Variants in ENC1 observed in about 807,000 individuals in gnomAD.
ENC1 encodes the protein ectoderm-neural cortex protein 1.
Under a neutral mutation model 40.9 loss-of-function variants are expected in ENC1, and 19 were observed. That is an observed-to-expected ratio of 0.46 (90% confidence interval 0.32 to 0.68). ENC1 has a LOEUF of 0.68. ENC1 is among the 30% of genes least tolerant of loss of function. The pLI is 0.03. For synonymous variants in ENC1, 285 were observed against 291.1 expected (o/e 0.98, Z 0.21); for missense variants, 479 against 737.5 (o/e 0.65, Z 4.06).
chr5:74,630,409 G>T (rs1208471669), intron 2 of ENC1, among the ~76,000 whole-genome samples: 1 of 152,018 alleles, frequency 6.6e-6, no homozygotes, highest in Non-Finnish European at 1.5e-5. Context: ...ATCACTAAGG[G>T]GTGAAAAGAA....
intron 2 of ENC1, among the ~76,000 whole-genome samples, chr5:74,631,158 C>T (rs528201179): frequency 2.7e-4 from 38 of 143,146 alleles, no homozygotes; most frequent in Non-Finnish European, 4.4e-4. Flanking sequence ...CAAACAGGAA[C>T]GATAATAAAA....
At position 74,628,243 on chromosome 5, in the gene ENC1, A is replaced by T. The variant is rs1747267942; in HGVS notation, c.*1782T>A. On this transcript the variant is annotated 3_prime_UTR_variant, in exon 3 of 3. Coordinates refer to ENST00000302351, the MANE Select transcript of ENC1 (RefSeq NM_003633.4). Reference sequence around the variant, plus strand: ...TCATTCATGGCATGGACGGACAAACACAATTAGTCTAAAGTACTAAGGTGG... The same window carrying T: ...TCATTCATGGCATGGACGGACAAACTCAATTAGTCTAAAGTACTAAGGTGG... 1 of 152,652 alleles carries T rather than the reference A, an allele frequency of 6.6e-6. No individual in the cohort carries two copies. The highest frequency in any genetic ancestry group is 6.5e-5 in the Admixed American group (1 of 15,286). 9.5% of individuals were successfully genotyped at this position (152,652 alleles called of 1,614,324 possible).
chr5:74,635,374 G>A lies in ENC1; in HGVS notation c.1112C>T (p.Ala371Val). 1 of 1,614,238 alleles carries A rather than the reference G, an allele frequency of 6.2e-7. No homozygotes were observed. The highest frequency in any genetic ancestry group is 1.1e-5 in the South Asian group (1 of 91,088). The change falls in exon 2 of 3, where the codon GCT (alanine) becomes GTT (valine). Residue 371 changes from alanine (A) to valine (V), a missense_variant. By Grantham distance (64) the Ala-to-Val change is moderately conservative. Transcript: ENST00000302351. This position sits in a 1 kb window ranked among gnomAD's most constrained non-coding sequence, Gnocchi z 5.5. ...YDTLHEEWSK[A>V]APMLVARFGH... is the part of the protein sequence containing the mutation. ...AAACCTGGCCACCAGCATGGGGGCA[G>A]CCTTGGACCACTCCTCGTGCAGGGT...
chr5:74,636,294 C>T lies in ENC1; in HGVS notation c.192G>A (p.Leu64=). ...CCTCAAAGTAGCGACTGCATGCAGC[C>T]AGCACTGCCCGGTGGCAAGGGAAGG... ...NRTFPCHRAV[L]AACSRYFEAM... The change falls in exon 2 of 3, where the codon CTG becomes CTA. Residue 64 remains leucine, a synonymous_variant. Coordinates refer to ENST00000302351, the MANE Select transcript of ENC1 (RefSeq NM_003633.4). The surrounding 1 kb of genome is among the most constrained non-coding windows in gnomAD (Gnocchi z 4.8). 1.2e-6 allele frequency: 2 copies of T among 1,614,184 alleles called. No individual in the cohort carries two copies. The highest frequency in any genetic ancestry group is 1.7e-6 in the Non-Finnish European group (2 of 1,180,038).
In ENC1 at chr5:74,629,825, A is replaced by C. The variant is rs1747330220; in HGVS notation, c.*200T>G. On this transcript the variant is annotated 3_prime_UTR_variant, in exon 3 of 3. Transcript: ENST00000302351. ...TAAACCATGTGCTACTTGCACCAAAAATCCCACCCCCCTCCCTCGCCCCTT... is the reference window on the plus strand; with the variant it reads ...TAAACCATGTGCTACTTGCACCAAACATCCCACCCCCCTCCCTCGCCCCTT... 2 of 141,142 alleles carry C rather than the reference A, an allele frequency of 1.4e-5. No homozygotes were observed. The highest frequency in any genetic ancestry group is 2.6e-5 in the African/African-American group (1 of 39,198). 8.7% of individuals were successfully genotyped at this position (141,142 alleles called of 1,614,324 possible).
At chr5:74,638,056 G>A (rs765554560) in intron 1 of ENC1, among the ~76,000 whole-genome samples, 5 of 152,078 alleles carry the variant, frequency 3.3e-5, no homozygotes, top group Non-Finnish European at 7.4e-5. Context: ...CCTGTCCAAG[G>A]ATTCCTAAGG....
chr5:74,634,101 G>A (rs987522695), intron 2 of ENC1, among the ~76,000 whole-genome samples: 12 of 152,114 alleles, frequency 7.9e-5, no homozygotes, highest in Non-Finnish European at 1.6e-4. Flanking sequence ...CTAAGTCTCT[G>A]GGATGGGCAG....
rs1233602259 is a variant in ENC1 at position 74,636,475 on chromosome 5, C to T, written c.11G>A (p.Ser4Asn). The stretch of plus-strand genomic sequence containing the variant: ...CCTGGACTTGCGGTTCTCATGCACA[C>T]TGACTGACATTTTGTTTCCACTCCT... Reference protein sequence around the residue: MSVSVHENRKSRAS... With the variant: MSVNVHENRKSRAS... Residue 4 changes from serine to asparagine, a missense_variant, in exon 2 of 3, where the codon AGT becomes AAT. By Grantham distance (46) the Ser-to-Asn change is conservative. Transcript: ENST00000302351. The surrounding 1 kb of genome is among the most constrained non-coding windows in gnomAD (Gnocchi z 4.8). 1 of 1,596,762 alleles carries T rather than the reference C, an allele frequency of 6.3e-7. No individual in the cohort carries two copies. The highest frequency in any genetic ancestry group is 1.3e-5 in the African/African-American group (1 of 74,358).
rs1268446688 is a variant in ENC1, at chr5:74,629,064, T to C, written c.*961A>G. 6.6e-6 allele frequency: 1 copy of C among 152,144 alleles called. No individual in the cohort carries two copies. Among genetic ancestry groups the C allele is most frequent in the Non-Finnish European group, 1.5e-5 (1 of 68,046 alleles). The allele number at this position is 152,144 out of a possible 1,614,324, so 9.4% of individuals were successfully genotyped here. A position where few individuals can be genotyped will look rare whatever the true frequency, so the allele number is the denominator to read the frequency against. On this transcript the variant is annotated 3_prime_UTR_variant, in exon 3 of 3. Transcript: ENST00000302351. Reference sequence around the variant, plus strand: ...CACAACCAAACCCCATGAAATCCCATTAAAAGTTGGTGAGTCTGAGAAAAG... The same window carrying C: ...CACAACCAAACCCCATGAAATCCCACTAAAAGTTGGTGAGTCTGAGAAAAG...
In ENC1 at chr5:74,634,765, G is replaced by A. The variant is rs758188798; in HGVS notation, c.1721C>T (p.Ser574Leu). The A allele has an allele frequency of 6.2e-6, 10 of 1,613,730 alleles. No homozygotes were observed. Among genetic ancestry groups the A allele is most frequent in the South Asian group, 1.1e-5 (1 of 91,066 alleles). ...VWNSITTVPYSLIPTAFVSTW... is the reference protein window; with the variant it reads ...VWNSITTVPYLLIPTAFVSTW... ...GCTGACAAATGCAGTAGGAATCAGCGAGTACGGGACAGTGGTGATGCTGTT... is the reference window on the plus strand; with the variant it reads ...GCTGACAAATGCAGTAGGAATCAGCAAGTACGGGACAGTGGTGATGCTGTT... The change falls in exon 2 of 3, where the codon TCG becomes TTG. Residue 574 changes from serine (S) to leucine (L), a missense_variant. Ser to Leu is a moderately radical substitution (Grantham distance 145). Coordinates refer to ENST00000302351, the MANE Select transcript of ENC1 (RefSeq NM_003633.4).
Position 74,637,155 on chromosome 5 carries a change from AC to A in ENC1, c.-13-658del, listed in dbSNP as rs200306801. Among the ~76,000 whole-genome samples the A allele has an allele frequency of 1.8e-4, 27 of 152,288 alleles. No homozygotes were observed. The East Asian group carries it at 2.9e-3, about 16-fold the overall frequency. On this transcript the variant is annotated intron_variant, in intron 1 of 2. Transcript: ENST00000302351. ...TTTTGAGACCAAGTCTCGCTCTGTC[AC>A]CCTGGCTTGAGTGCAGTGGTGCAAT... is the stretch of plus-strand genomic sequence containing the variant.
At chr5:74,633,134 C>A (rs1242492711) in intron 2 of ENC1, among the ~76,000 whole-genome samples, 1 of 152,206 alleles carries the variant, frequency 6.6e-6, no homozygotes, top group African/African-American at 2.4e-5. Context: ...TAGTAATAAG[C>A]CCATGAATCA....
chr5:74,635,556 C>T lies in ENC1; in HGVS notation c.930G>A (p.Leu310=). The change falls in exon 2 of 3, where the codon TTG becomes TTA. Residue 310 remains leucine, a synonymous_variant. Coordinates refer to ENST00000302351, the MANE Select transcript of ENC1 (RefSeq NM_003633.4). The surrounding 1 kb of genome is among the most constrained non-coding windows in gnomAD (Gnocchi z 5.5). ...CTTTGGCCTTCTGGTCTACCAGATA[C>T]AACTTGTCACACATGAAAGTCTGTC... ...LGGQTFMCDK[L]YLVDQKAKEI... 1 of 1,614,186 alleles carries T rather than the reference C, an allele frequency of 6.2e-7. No individual in the cohort carries two copies. Among genetic ancestry groups the T allele is most frequent in the Non-Finnish European group, 8.5e-7 (1 of 1,180,026 alleles).
In ENC1 at chr5:74,634,663, A is replaced by G. The variant is rs878870740; in HGVS notation, c.*32+21T>C. On this transcript the variant is annotated intron_variant, in intron 2 of 2. Coordinates refer to ENST00000302351, the MANE Select transcript of ENC1 (RefSeq NM_003633.4). ...ATAGCCTAATTATATGCATACTTAC[A>G]TCTATAGCTAAACTTCTTACCTCAT... 3.5e-5 allele frequency: 42 copies of G among 1,196,430 alleles called. 1 individual carries two copies. The South Asian group carries it at 3.8e-4, about 11-fold the overall frequency. The allele number at this position is 1,196,430 out of a possible 1,614,324, so 74.1% of individuals were successfully genotyped here.
At chr5:74,638,292 A>G (rs549637492) in intron 1 of ENC1, among the ~76,000 whole-genome samples, 1 of 152,360 alleles carries the variant, frequency 6.6e-6, no homozygotes, top group South Asian at 2.1e-4. Flanking sequence ...CCCCAACCAG[A>G]TGTGAGCCCC....
intron 2 of ENC1, among the ~76,000 whole-genome samples, chr5:74,633,746 C>T (rs1304598646): frequency 2.0e-5 from 3 of 152,180 alleles, no homozygotes; most frequent in Non-Finnish European, 4.4e-5. Flanking sequence ...ACACGATGCT[C>T]CAGTGCTGAT....
intron 1 of ENC1, chr5:74,637,599 A>T (rs1185772032): frequency 6.6e-6 from 1 of 152,238 alleles, no homozygotes; most frequent in Admixed American, 6.5e-5. Flanking sequence ...CCCGCTTTAT[A>T]TCAATTCTTG....
intron 2 of ENC1, 68 bp downstream of exon 2, chr5:74,634,616 C>A: frequency 1.3e-6 from 1 of 742,500 alleles, no homozygotes; most frequent in South Asian, 1.7e-5. Context: ...TCAGATCTCA[C>A]CCCATGTACT....
Position 74,635,883 on chromosome 5 carries a change from C to T in ENC1, c.603G>A (p.Glu201=), listed in dbSNP as rs1452713138. Reference sequence around the variant, plus strand: ...CAAGCCTTTCATCCTCTGTCTCCAGCTCTTCACTGGACAAGAGTTGCACTA... The same window carrying T: ...CAAGCCTTTCATCCTCTGTCTCCAGTTCTTCACTGGACAAGAGTTGCACTA... ...DMVVQLLSSE[E]LETEDERLVY... The change falls in exon 2 of 3, where the codon GAG becomes GAA. Residue 201 remains glutamate, a synonymous_variant. Coordinates refer to ENST00000302351, the MANE Select transcript of ENC1 (RefSeq NM_003633.4). This position sits in a 1 kb window ranked among gnomAD's most constrained non-coding sequence, Gnocchi z 5.5. 1 of 1,613,970 alleles carries T rather than the reference C, an allele frequency of 6.2e-7. No individual in the cohort carries two copies. Among genetic ancestry groups the T allele is most frequent in the Non-Finnish European group, 8.5e-7 (1 of 1,179,964 alleles).
Sources: allele counts gnomAD v4.1 joint callset (sites outside exome capture counted in the v4.1 genomes callset), GRCh38; gene constraint gnomAD v4.1.1; non-coding constraint Gnocchi (gnomAD v3.1); transcripts MANE v1.5; gene names NCBI Gene and HGNC (gene_info 2026-07-23, HGNC 2026-07-21).